SOX5: variants seen among roughly 807,000 people sequenced by gnomAD.
SOX5 encodes transcription factor SOX-5.
Under a neutral mutation model 92.0 loss-of-function variants are expected in SOX5, and 9 were observed. The observed-to-expected ratio is 0.10, with a 90% confidence interval of 0.06 to 0.17. The LOEUF (loss-of-function observed/expected upper bound fraction) is 0.17. SOX5 is among the 10% of genes least tolerant of loss of function. The pLI is 1.00. For missense variants in SOX5, 642 were observed against 944.5 expected (o/e 0.68, Z 4.20); for synonymous variants, 344 against 336.3 (o/e 1.02, Z -0.25).
rs2077704541 is a variant in SOX5, at chr12:23,625,791, T to A, written c.1017+15021A>T. 2.6e-5 allele frequency among the ~76,000 whole-genome samples: 4 copies of A among 152,066 alleles called. No homozygotes were observed. In the South Asian group the frequency reaches 8.3e-4, roughly 31 times the overall value. On this transcript the variant is annotated intron_variant, in intron 8 of 14. Transcript: ENST00000451604. ...CGCCGGCTAATTTTTGTATTTTTAATAGAGATGGGGTTTCACCATGTTGGT... is the reference window on the plus strand; with the variant it reads ...CGCCGGCTAATTTTTGTATTTTTAAAAGAGATGGGGTTTCACCATGTTGGT...
intron 3 of SOX5, among the ~76,000 whole-genome samples, chr12:23,795,226 A>AT (rs1214545174): frequency 7.2e-4 from 110 of 151,772 alleles, no homozygotes; most frequent in African/African-American, 2.6e-3. Flanking sequence ...AGAGTAGTGC[A>AT]TTTTTAAAAA....
At chr12:23,638,313 C>T (rs1171316294) in intron 8 of SOX5, 6 of 152,036 alleles carry the variant, frequency 3.9e-5, no homozygotes, top group African/African-American at 1.5e-4. Context: ...TCTTGACTAA[C>T]GATGGAAGGG....
intron 3 of SOX5, among the ~76,000 whole-genome samples, chr12:24,244,222 G>T (rs534517535): frequency 6.6e-6 from 1 of 152,192 alleles, no homozygotes; most frequent in Admixed American, 6.5e-5. Flanking sequence ...GAGTAGATCC[G>T]CTTAAACAAC....
At chr12:23,709,894 T>C (rs1265508074) in intron 6 of SOX5, among the ~76,000 whole-genome samples, 1 of 152,226 alleles carries the variant, frequency 6.6e-6, no homozygotes, top group Non-Finnish European at 1.5e-5. Flanking sequence ...ATATTAATTC[T>C]AGTGTTATTA....
chr12:23,536,732 T>C, intron 13 of SOX5, 63 bp from the exon 14 acceptor site: 1 of 1,256,422 alleles, frequency 8.0e-7, no homozygotes, highest in East Asian at 2.3e-5. Context: ...GAAAGTGATA[T>C]GGCTGAGAAC....
chr12:24,085,323 C>G (rs1480040133), intron 4 of SOX5, among the ~76,000 whole-genome samples: 1 of 151,988 alleles, frequency 6.6e-6, no homozygotes, highest in Non-Finnish European at 1.5e-5. Context: ...TATATGTGCC[C>G]CAGATACACT....
chr12:24,412,195 TGTTA>T (rs967495320), intron 1 of SOX5, among the ~76,000 whole-genome samples: 25 of 152,310 alleles, frequency 1.6e-4, no homozygotes, highest in African/African-American at 5.8e-4. Context: ...GTTTTTACTC[TGTTA>T]GTCTTACTAG....
At chr12:24,021,922 G>A (rs1280397235) in intron 4 of SOX5, among the ~76,000 whole-genome samples, 2 of 152,092 alleles carry the variant, frequency 1.3e-5, no homozygotes, top group Non-Finnish European at 2.9e-5. Flanking sequence ...GTGCTTTGGT[G>A]GGACTTCTCT....
intron 3 of SOX5, among the ~76,000 whole-genome samples, chr12:23,794,925 G>T (rs549106116): frequency 1.5e-3 from 179 of 119,820 alleles, no homozygotes; most frequent in African/African-American, 4.6e-3. Flanking sequence ...TTTTAGATTA[G>T]AATTTTTTTT....
At chr12:23,795,541 T>C (rs1259442188) in intron 3 of SOX5, among the ~76,000 whole-genome samples, 1 of 152,066 alleles carries the variant, frequency 6.6e-6, no homozygotes, top group African/African-American at 2.4e-5. Flanking sequence ...TCGAGCCAAA[T>C]GTGAGGGTGG....
Position 23,576,065 on chromosome 12 carries a change from C to A in SOX5, c.1165-227G>T, listed in dbSNP as rs531789651. On this transcript the variant is annotated intron_variant, in intron 9 of 14. Transcript: ENST00000451604. The stretch of plus-strand genomic sequence containing the variant: ...TAAGAGAAAGTACATGTGTACTCAA[C>A]TACCCACAGAAAGCAGATAATTTTT... 2.6e-4 allele frequency among the ~76,000 whole-genome samples: 39 copies of A among 152,306 alleles called. 1 individual carries two copies. In the South Asian group the frequency reaches 7.9e-3, roughly 31 times the overall value.
At chr12:23,855,708 A>G (rs1218346339) in intron 2 of SOX5, among the ~76,000 whole-genome samples, 1 of 152,206 alleles carries the variant, frequency 6.6e-6, no homozygotes, top group East Asian at 1.9e-4. Context: ...TCAAGTACAA[A>G]TTCTCCATTT....
chr12:24,089,164 G>T (rs942353380), intron 4 of SOX5, among the ~76,000 whole-genome samples: 1 of 152,076 alleles, frequency 6.6e-6, no homozygotes, highest in African/African-American at 2.4e-5. Flanking sequence ...GAAGATAAGA[G>T]AAATATAATT....
intron 6 of SOX5, among the ~76,000 whole-genome samples, chr12:23,729,419 T>C (rs1267697866): frequency 6.6e-6 from 1 of 152,146 alleles, no homozygotes; most frequent in Non-Finnish European, 1.5e-5. Context: ...AATATAATCC[T>C]ACACCACCTG....
rs149106781 is a variant in SOX5, at chr12:24,516,985, T to C, written c.-251+45344A>G. The stretch of plus-strand genomic sequence containing the variant: ...TTAGTCTAAAAATCTTAATACTTAC[T>C]AAACAATAAACATGAGAATAAAAAA... On this transcript the variant is annotated intron_variant, in intron 1 of 4. Transcript: ENST00000446891. Among the ~76,000 whole-genome samples, 313 of 152,284 alleles carry C rather than the reference T, an allele frequency of 2.1e-3. 2 individuals are homozygous for C. The highest frequency in any genetic ancestry group is 0.017 in the Admixed American group (257 of 15,304).
At chr12:23,777,280 A>C (rs1458911131) in intron 3 of SOX5, among the ~76,000 whole-genome samples, 1 of 152,242 alleles carries the variant, frequency 6.6e-6, no homozygotes, top group East Asian at 1.9e-4. Flanking sequence ...GCATTATCTA[A>C]GTTTCTTAAT....
Position 23,665,547 on chromosome 12 carries a change from C to A in SOX5, c.828G>T (p.Pro276=), listed in dbSNP as rs753595550. 4 of 1,612,678 alleles carry A rather than the reference C, an allele frequency of 2.5e-6. No homozygotes were observed. Among genetic ancestry groups the A allele is most frequent in the Non-Finnish European group, 3.4e-6 (4 of 1,179,202 alleles). Reference sequence around the variant, plus strand: ...GAGGGAATACGGGAATCATTAATGGCGGCAGCTGACCTTGAACCTGCTGAA... The same window carrying A: ...GAGGGAATACGGGAATCATTAATGGAGGCAGCTGACCTTGAACCTGCTGAA... ...QQQIQVQGQL[P]PLMIPVFPPD... Residue 276 remains proline (P), a synonymous_variant, in exon 7 of 15, where the codon CCG becomes CCT. Coordinates refer to ENST00000451604, the MANE Select transcript of SOX5 (RefSeq NM_006940.6).
intron 4 of SOX5, among the ~76,000 whole-genome samples, chr12:24,117,570 T>C (rs538988986): frequency 2.6e-5 from 4 of 152,286 alleles, no homozygotes; most frequent in Admixed American, 2.6e-4. Flanking sequence ...GCAACCTAAG[T>C]GTTCATCAGC....
chr12:23,535,069 T>A (rs912816503), intron 14 of SOX5, among the ~76,000 whole-genome samples: 2 of 152,230 alleles, frequency 1.3e-5, no homozygotes, highest in Non-Finnish European at 2.9e-5. Flanking sequence ...GTGTTGTCCA[T>A]CTTATTCTTA....
Sources: allele counts gnomAD v4.1 joint callset (sites outside exome capture counted in the v4.1 genomes callset), GRCh38; gene constraint gnomAD v4.1.1; transcripts MANE v1.5; gene names NCBI Gene and HGNC (gene_info 2026-07-23, HGNC 2026-07-21).